The following POMP variants were observed in gnomAD, a reference collection of about 807,000 sequenced individuals.
The protein encoded by POMP is proteasome maturation protein, also known as 2510048O06Rik.
In POMP, 12 loss-of-function variants were observed where a neutral mutation model predicts 20.6. That is an observed-to-expected ratio of 0.58 (90% CI 0.37 to 0.94). POMP has a LOEUF of 0.94. Among genes scored for constraint, POMP ranks in the 40% least tolerant of loss-of-function variants. POMP has a pLI of 0.01. For missense variants in POMP, 136 were observed against 161.1 expected (o/e 0.84, Z 0.84); for synonymous variants, 53 against 55.0 (o/e 0.96, Z 0.16).
At chr13:28,667,521 T>C (rs1483818102) in intron 3 of POMP, among the ~76,000 whole-genome samples, 1 of 152,244 alleles carries the variant, frequency 6.6e-6, no homozygotes, top group Non-Finnish European at 1.5e-5. Flanking sequence ...TGTCAAAATT[T>C]GCTGTGTAAA....
chr13:28,666,423 A>T (rs1593172948), intron 3 of POMP, among the ~76,000 whole-genome samples: 2 of 152,376 alleles, frequency 1.3e-5, no homozygotes, highest in South Asian at 4.1e-4. Context: ...AGCAATACAT[A>T]TTAAGAGAAA....
At position 28,664,558 on chromosome 13, in the gene POMP, T is replaced by C; in HGVS notation, c.151T>C (p.Ser51Pro). Residue 51 changes from serine to proline, a missense_variant, in exon 3 of 6, where the codon TCA (serine) becomes CCA (proline). Transcript: ENST00000380842. ...TTTGCCTAGTCATCCCCTTGAATTA[T>C]CAGAAAAAAATGTAAGTATATTATT... ...ELLPSHPLEL[S>P]EKNFQLNQDK... 3 of 1,551,540 alleles carry C rather than the reference T, an allele frequency of 1.9e-6. No individual in the cohort carries two copies. Among genetic ancestry groups the C allele is most frequent in the East Asian group, 2.2e-5 (1 of 44,452 alleles).
At position 28,678,563 on chromosome 13, in the gene POMP, A is replaced by C. The variant is rs1336587752; in HGVS notation, c.*461A>C. ...TCAGTGTCGTCCATTAACACTCATAAGAATAATATTTACTGTGTCAGTGCT... is the reference window on the plus strand; with the variant it reads ...TCAGTGTCGTCCATTAACACTCATACGAATAATATTTACTGTGTCAGTGCT... On this transcript the variant is annotated 3_prime_UTR_variant, in exon 6 of 6. Coordinates refer to ENST00000380842, the MANE Select transcript of POMP (RefSeq NM_015932.6). 6.2e-6 allele frequency: 1 copy of C among 162,466 alleles called. No individual in the cohort carries two copies. The highest frequency in any genetic ancestry group is 2.4e-5 in the African/African-American group (1 of 41,508). 10.1% of individuals were successfully genotyped at this position (162,466 alleles called of 1,614,324 possible).
intron 5 of POMP, among the ~76,000 whole-genome samples, chr13:28,675,679 A>G (rs1474660758): frequency 6.6e-6 from 1 of 152,052 alleles, no homozygotes; most frequent in Non-Finnish European, 1.5e-5. Flanking sequence ...TTGCATTGCT[A>G]TAAAGAAATA....
rs762825312 is a variant in POMP at position 28,668,571 on chromosome 13, G to A, written c.261G>A (p.Gln87=). ...LKLQMEFKAV[Q]QVQRLPFLSS... is the part of the protein sequence containing the mutation. Reference sequence around the variant, plus strand: ...TACAGATGGAATTCAAGGCAGTGCAGCAGGTGAGTTGATGGATCTCTGTTG... The same window carrying A: ...TACAGATGGAATTCAAGGCAGTGCAACAGGTGAGTTGATGGATCTCTGTTG... The change falls in exon 4 of 6, where the codon CAG becomes CAA. Residue 87 remains glutamine (Q), a synonymous_variant. Coordinates refer to ENST00000380842, the MANE Select transcript of POMP (RefSeq NM_015932.6). 5.0e-6 allele frequency: 8 copies of A among 1,594,912 alleles called. No individual in the cohort carries two copies. The African/African-American group carries it at 9.4e-5, about 19-fold the overall frequency.
In POMP at chr13:28,677,735, A is replaced by G. The variant is rs115819747; in HGVS notation, c.359-300A>G. Among the ~76,000 whole-genome samples the G allele has an allele frequency of 2.3e-3, 350 of 152,284 alleles. 2 individuals are homozygous for G. The highest frequency in any genetic ancestry group is 8.2e-3 in the African/African-American group (342 of 41,560). ...TCTGTTTTTTCTTTTTAAATCCACT[A>G]TTTTGAGATATTATTGACATACAAT... On this transcript the variant is annotated intron_variant, in intron 5 of 5. Coordinates refer to ENST00000380842, the MANE Select transcript of POMP (RefSeq NM_015932.6).
At position 28,678,451 on chromosome 13, in the gene POMP, T is replaced by C; in HGVS notation, c.*349T>C. 7.8e-6 allele frequency: 2 copies of C among 256,660 alleles called. No individual in the cohort carries two copies. Among genetic ancestry groups the C allele is most frequent in the South Asian group, 9.1e-5 (2 of 21,882 alleles). The allele number at this position is 256,660 out of a possible 1,614,324, so 15.9% of individuals were successfully genotyped here. On this transcript the variant is annotated 3_prime_UTR_variant, in exon 6 of 6. Coordinates refer to ENST00000380842, the MANE Select transcript of POMP (RefSeq NM_015932.6). ...ATTAAGCATTATAAGCATTTGAGTCTATAAACTTTATAGTAGCATCTTTCA... is the reference window on the plus strand; with the variant it reads ...ATTAAGCATTATAAGCATTTGAGTCCATAAACTTTATAGTAGCATCTTTCA...
chr13:28,677,219 A>G (rs556707940), intron 5 of POMP, among the ~76,000 whole-genome samples: 1 of 146,820 alleles, frequency 6.8e-6, no homozygotes, highest in South Asian at 2.2e-4. Context: ...TTTTAAGTTG[A>G]GGTTTTGAGT....
In POMP at chr13:28,662,432, A is replaced by T. The variant is rs145179472; in HGVS notation, c.26A>T (p.Glu9Val). The T allele has an allele frequency of 3.1e-6, 5 of 1,613,600 alleles. No homozygotes were observed. The highest frequency in any genetic ancestry group is 1.3e-5 in the African/African-American group (1 of 74,900). ...TAGAATGCCAGAGGACTTGGATCTG[A>T]GCTAAAGGACAGTATTCCAGTTACT... MNARGLGS[E>V]LKDSIPVTEL... The change falls in exon 2 of 6, where the codon GAG (glutamate) becomes GTG (valine). Residue 9 changes from glutamate to valine, a missense_variant. By Grantham distance (121) the Glu-to-Val change is moderately radical. Coordinates refer to ENST00000380842, the MANE Select transcript of POMP (RefSeq NM_015932.6).
chr13:28,666,883 G>A (rs1195623759), intron 3 of POMP, among the ~76,000 whole-genome samples: 2 of 152,166 alleles, frequency 1.3e-5, no homozygotes, highest in African/African-American at 4.8e-5. Flanking sequence ...GACATTTTAG[G>A]TTGTCACAAG....
intron 5 of POMP, among the ~76,000 whole-genome samples, 181 bp downstream of exon 5, chr13:28,672,613 G>A (rs1487566995): frequency 6.6e-6 from 1 of 152,088 alleles, no homozygotes; most frequent in Non-Finnish European, 1.5e-5. Flanking sequence ...TAAAAGTGAA[G>A]ATTGGCTGGG....
chr13:28,670,687 G>C (rs779716100), intron 4 of POMP, among the ~76,000 whole-genome samples: 1 of 152,160 alleles, frequency 6.6e-6, no homozygotes, highest in Non-Finnish European at 1.5e-5. Flanking sequence ...ACTGTTAGGC[G>C]TTTGCACACA....
chr13:28,666,370 G>A (rs4769629), intron 3 of POMP, among the ~76,000 whole-genome samples: 57,446 of 152,044 alleles, frequency 0.38, 11,111 homozygotes, highest in East Asian at 0.5. Context: ...ATTTTCCTGT[G>A]TATTAGTCTG....
intron 1 of POMP, 58 bp downstream of exon 1, chr13:28,659,245 GA>G: frequency 6.4e-7 from 1 of 1,561,080 alleles, no homozygotes; most frequent in Non-Finnish European, 8.7e-7. Flanking sequence ...TGGCTCGGCA[GA>G]AACAGGCAGT....
intron 2 of POMP, among the ~76,000 whole-genome samples, chr13:28,663,255 G>A (rs752318233): frequency 3.3e-5 from 5 of 151,964 alleles, no homozygotes; most frequent in African/African-American, 4.8e-5. Flanking sequence ...AACATTTTGT[G>A]TTTTGAATTT....
intron 4 of POMP, among the ~76,000 whole-genome samples, chr13:28,670,818 A>C (rs1884533358): frequency 6.6e-6 from 1 of 152,164 alleles, no homozygotes; most frequent in Admixed American, 6.5e-5. Flanking sequence ...AGGCCGAGGC[A>C]GATGGATCAC....
chr13:28,665,808 G>A (rs1162519892), intron 3 of POMP, among the ~76,000 whole-genome samples: 1 of 152,226 alleles, frequency 6.6e-6, no homozygotes, highest in Non-Finnish European at 1.5e-5. Context: ...CAAGGGATAA[G>A]ATTGAGGATT....
chr13:28,666,527 T>A (rs1308344700), intron 3 of POMP, among the ~76,000 whole-genome samples: 1 of 152,244 alleles, frequency 6.6e-6, no homozygotes, highest in Non-Finnish European at 1.5e-5. Flanking sequence ...GCATCTCTTC[T>A]TCTTTAATCA....
At chr13:28,663,188 C>G (rs2137790547) in intron 2 of POMP, among the ~76,000 whole-genome samples, 1 of 152,266 alleles carries the variant, frequency 6.6e-6, no homozygotes, top group African/African-American at 2.4e-5. Context: ...CTAGACCATA[C>G]TCTTTGCAGG....
Sources: allele counts gnomAD v4.1 joint callset (sites outside exome capture counted in the v4.1 genomes callset), GRCh38; gene constraint gnomAD v4.1.1; transcripts MANE v1.5; gene names NCBI Gene and HGNC (gene_info 2026-07-23, HGNC 2026-07-21).